Variants in TTBK2 observed in about 807,000 individuals in gnomAD.
TTBK2 encodes the protein tau tubulin kinase 2.
In TTBK2, 28 loss-of-function variants were observed where a neutral mutation model predicts 110.8. That is an observed-to-expected ratio of 0.25 (90% CI 0.19 to 0.35). The LOEUF (loss-of-function observed/expected upper bound fraction) is 0.35. TTBK2 is among the 10% of genes least tolerant of loss of function. The pLI is 1.00. For synonymous variants in TTBK2, 532 were observed against 527.3 expected, an observed-to-expected ratio of 1.01 and a Z score of -0.12; for missense variants, 1,369 against 1,500.3, an observed-to-expected ratio of 0.91 and a Z score of 1.45.
At chr15:42,766,528 G>A (rs1311169831) in intron 13 of TTBK2, among the ~76,000 whole-genome samples, 1 of 141,620 alleles carries the variant, frequency 7.1e-6, no homozygotes, top group African/African-American at 2.8e-5. Flanking sequence ...GATCAAAACA[G>A]ACAAAGAAGG....
At chr15:42,841,592 G>A (rs116334558) in intron 3 of TTBK2, among the ~76,000 whole-genome samples, 4 of 152,102 alleles carry the variant, frequency 2.6e-5, no homozygotes, top group South Asian at 4.1e-4. Flanking sequence ...GAGAAGTATC[G>A]AAAAGATTTT....
At chr15:42,769,664 G>C (rs527360027) in intron 13 of TTBK2, among the ~76,000 whole-genome samples, 8 of 152,328 alleles carry the variant, frequency 5.3e-5, no homozygotes, top group East Asian at 3.9e-4. Context: ...GTTGGTGGGA[G>C]TGTAAACTAG....
intron 4 of TTBK2, among the ~76,000 whole-genome samples, chr15:42,837,488 T>G (rs1285093315): frequency 6.6e-6 from 1 of 151,562 alleles, no homozygotes; most frequent in African/African-American, 2.4e-5. Context: ...TGAAACCCAG[T>G]CTCTAATTAA....
chr15:42,821,537 C>T (rs1293012831), intron 6 of TTBK2, among the ~76,000 whole-genome samples: 1 of 152,152 alleles, frequency 6.6e-6, no homozygotes, highest in Non-Finnish European at 1.5e-5. Flanking sequence ...CAGTAAGTTT[C>T]CTTAATGCCC....
chr15:42,757,303 G>A (rs906868195), intron 13 of TTBK2, among the ~76,000 whole-genome samples: 1 of 151,746 alleles, frequency 6.6e-6, no homozygotes, highest in Non-Finnish European at 1.5e-5. Context: ...CACAGACAGG[G>A]TCTCACTATG....
In TTBK2 at chr15:42,746,089, A is replaced by G; in HGVS notation, c.3441T>C (p.Pro1147=). The G allele has an allele frequency of 6.2e-7, 1 of 1,614,070 alleles. No individual in the cohort carries two copies. Among genetic ancestry groups the G allele is most frequent in the South Asian group, 1.1e-5 (1 of 91,064 alleles). Residue 1147 remains proline (P), a synonymous_variant, in exon 15 of 15, where the codon CCT becomes CCC. Transcript: ENST00000267890. ...GAGGAGAGGCACTGGGACTCCTGCG[A>G]GGGACAACTGGACTCTTGGGTGGTG... The part of the protein sequence containing the change: ...PKTPPKSPVV[P]RRSPSASPRS...
At chr15:42,892,916 AG>A (rs1361384529) in intron 1 of TTBK2, among the ~76,000 whole-genome samples, 1 of 150,490 alleles carries the variant, frequency 6.6e-6, no homozygotes, top group African/African-American at 2.4e-5. Flanking sequence ...AGGCTGAGGC[AG>A]GAGAAATCTC....
At chr15:42,881,249 C>CA (rs1895031906) in intron 1 of TTBK2, among the ~76,000 whole-genome samples, 1 of 129,630 alleles carries the variant, frequency 7.7e-6, no homozygotes, top group African/African-American at 3.0e-5. Context: ...TGCCACTGCA[C>CA]TCCAGCCTGG....
At chr15:42,795,843 CAAAAAAA>C (rs1175589146) in intron 9 of TTBK2, among the ~76,000 whole-genome samples, 1 of 48,934 alleles carries the variant, frequency 2.0e-5, no homozygotes, top group African/African-American at 7.6e-5. Context: ...AATCTTTCTC[CAAAAAAA>C]AAAAAAAAAA....
At chr15:42,754,830 G>A (rs1426648140) in intron 13 of TTBK2, among the ~76,000 whole-genome samples, 2 of 144,632 alleles carry the variant, frequency 1.4e-5, no homozygotes, top group Non-Finnish European at 3.0e-5. Context: ...CCAACATGGT[G>A]AAACCCCGTC....
intron 1 of TTBK2, among the ~76,000 whole-genome samples, chr15:42,896,860 AT>A (rs1171257825): frequency 6.6e-6 from 1 of 151,914 alleles, no homozygotes; most frequent in African/African-American, 2.4e-5. Flanking sequence ...TATTATTAAA[AT>A]TTTTTTAATT....
intron 9 of TTBK2, among the ~76,000 whole-genome samples, chr15:42,795,826 G>A (rs553322143): frequency 1.2e-4 from 16 of 136,876 alleles, no homozygotes; most frequent in African/African-American, 4.1e-4. Context: ...CTGGGTGACG[G>A]AATGAGAATC....
At chr15:42,800,884 C>T (rs1188989574) in intron 9 of TTBK2, 19 of 627,490 alleles carry the variant, frequency 3.0e-5, no homozygotes, top group Admixed American at 8.2e-5. Flanking sequence ...GTGGGTCTCC[C>T]GTTCCCTGTG....
chr15:42,769,380 A>G (rs1595891791), intron 13 of TTBK2, among the ~76,000 whole-genome samples: 2 of 152,378 alleles, frequency 1.3e-5, no homozygotes, highest in East Asian at 3.9e-4. Context: ...AAGGGCTAAT[A>G]TCCAAAATCT....
chr15:42,773,914 T>C (rs1181132973), intron 13 of TTBK2, among the ~76,000 whole-genome samples: 3 of 152,184 alleles, frequency 2.0e-5, no homozygotes, highest in Non-Finnish European at 4.4e-5. Flanking sequence ...TGTGCCAAGA[T>C]GCACAGTTTG....
chr15:42,844,059 T>A (rs1347360493), intron 3 of TTBK2, among the ~76,000 whole-genome samples: 2 of 152,038 alleles, frequency 1.3e-5, no homozygotes, highest in African/African-American at 2.4e-5. Flanking sequence ...ATATCACACA[T>A]CATCCTCAAT....
At chr15:42,913,621 G>A (rs974009752) in intron 1 of TTBK2, among the ~76,000 whole-genome samples, 1 of 151,530 alleles carries the variant, frequency 6.6e-6, no homozygotes, top group African/African-American at 2.4e-5. Flanking sequence ...CTGGGCGACA[G>A]AGCGAGACTC....
intron 1 of TTBK2, among the ~76,000 whole-genome samples, chr15:42,913,044 G>T (rs1157960133): frequency 6.9e-6 from 1 of 145,260 alleles, no homozygotes; most frequent in East Asian, 2.1e-4. Context: ...AGAATGGCGT[G>T]AACCCGGGAA....
intron 8 of TTBK2, 120 bp from the exon 9 acceptor site, chr15:42,810,859 T>C (rs1891680849): frequency 2.5e-6 from 3 of 1,187,662 alleles, no homozygotes; most frequent in Admixed American, 1.9e-5. Context: ...TAATTAAGCA[T>C]AAAGCAAGAA....
Sources: allele counts gnomAD v4.1 joint callset (sites outside exome capture counted in the v4.1 genomes callset), GRCh38; gene constraint gnomAD v4.1.1; transcripts MANE v1.5; gene names NCBI Gene and HGNC (gene_info 2026-07-23, HGNC 2026-07-21).